The following SEC63 variants were observed in gnomAD, a reference collection of about 807,000 sequenced individuals.
SEC63 encodes translocation protein SEC63 homolog.
In SEC63, 56 loss-of-function variants were observed where a neutral mutation model predicts 116.2. The observed-to-expected ratio is 0.48, with a 90% CI of 0.39 to 0.60. The LOEUF (loss-of-function observed/expected upper bound fraction) is 0.60, where lower values mean the gene tolerates loss of function less well. SEC63 is among the 20% of genes least tolerant of loss of function. SEC63 has a pLI of 0.00. For synonymous variants in SEC63, 273 were observed against 294.6 expected (o/e 0.93, Z 0.75); for missense variants, 668 against 900.0 (o/e 0.74, Z 3.30).
In SEC63 at chr6:107,894,112, GA is replaced by G. The variant is rs555936109; in HGVS notation, c.1441-216del. Among the ~76,000 whole-genome samples the G allele has an allele frequency of 2.1e-3, 322 of 152,264 alleles. 1 individual carries two copies. The highest frequency in any genetic ancestry group is 7.5e-3 in the African/African-American group (313 of 41,554). ...CTCACATCTGTCTTGAACAAGTTTT[GA>G]AAAGTACAGTCTACTCAAGTTTACA... On this transcript the variant is annotated intron_variant, in intron 14 of 20. Transcript: ENST00000369002.
At chr6:107,885,808 A>G (rs1191830173) in intron 16 of SEC63, among the ~76,000 whole-genome samples, 1 of 152,184 alleles carries the variant, frequency 6.6e-6, no homozygotes, top group Admixed American at 6.5e-5. Flanking sequence ...ATAGACAAAT[A>G]ATCAATAGAA....
chr6:107,881,398 C>A, intron 17 of SEC63, 148 bp from the exon 18 acceptor site: 1 of 624,880 alleles, frequency 1.6e-6, no homozygotes, highest in Admixed American at 2.6e-5. Context: ...CCCTGCTCAT[C>A]CTTACAATGC....
At chr6:107,912,380 C>T (rs191691947) in intron 6 of SEC63, among the ~76,000 whole-genome samples, 3 of 152,176 alleles carry the variant, frequency 2.0e-5, no homozygotes, top group East Asian at 1.9e-4. Context: ...TTTGAGAGTT[C>T]GAGACCAGCC....
intron 14 of SEC63, among the ~76,000 whole-genome samples, 171 bp from the exon 15 acceptor site, chr6:107,894,068 T>C (rs893360445): frequency 2.6e-5 from 4 of 152,234 alleles, no homozygotes; most frequent in African/African-American, 9.6e-5. Context: ...CCTATGCAGG[T>C]AGATACCTTC....
intron 1 of SEC63, chr6:107,954,481 T>TAAAAAAAAAAAAAAAAAA (rs1562345005): frequency 5.7e-4 from 8 of 13,954 alleles, no homozygotes; most frequent in East Asian, 1.4e-3. Context: ...AAAAAAAAAA[T>TAAAAAAAAAAAAAAAAAA]CAAAAAAAAA....
At chr6:107,943,222 CTAGT>C (rs1252906435) in intron 1 of SEC63, among the ~76,000 whole-genome samples, 1 of 152,208 alleles carries the variant, frequency 6.6e-6, no homozygotes, top group African/African-American at 2.4e-5. Flanking sequence ...GTAGTATACA[CTAGT>C]TAACTTTACA....
At chr6:107,882,395 T>C (rs593595) in intron 17 of SEC63, among the ~76,000 whole-genome samples, 132,508 of 152,184 alleles carry the variant, frequency 0.87, 57,865 homozygotes, top group Middle Eastern at 0.92. Context: ...TCCCATAAAT[T>C]ATGTGCAACT....
At chr6:107,902,776 T>A in intron 12 of SEC63, 68 bp downstream of exon 12, 1 of 1,472,878 alleles carries the variant, frequency 6.8e-7, no homozygotes, top group Non-Finnish European at 9.5e-7. Flanking sequence ...CAGAAAACTT[T>A]TATTCATGTT....
At chr6:107,874,963 T>C (rs955869472) in intron 19 of SEC63, among the ~76,000 whole-genome samples, 8 of 152,222 alleles carry the variant, frequency 5.3e-5, no homozygotes, top group African/African-American at 1.9e-4. Flanking sequence ...TTATGCCACA[T>C]CAATGTTAAA....
chr6:107,881,122 G>C, intron 18 of SEC63, 27 bp downstream of exon 18: 1 of 1,447,528 alleles, frequency 6.9e-7, no homozygotes, highest in Non-Finnish European at 9.7e-7. Context: ...ATGGAATAAG[G>C]AACACAGTAG....
intron 18 of SEC63, among the ~76,000 whole-genome samples, chr6:107,880,385 C>T (rs1460913103): frequency 1.3e-5 from 2 of 152,168 alleles, no homozygotes; most frequent in African/African-American, 4.8e-5. Context: ...AACAGTTTCC[C>T]GAACTGGGGG....
chr6:107,899,360 G>A (rs1283378668), intron 13 of SEC63, among the ~76,000 whole-genome samples: 7 of 152,142 alleles, frequency 4.6e-5, no homozygotes, highest in South Asian at 2.1e-4. Flanking sequence ...CAGTGAGGCC[G>A]AACACTCTTA....
chr6:107,900,542 G>C (rs1384625599), intron 13 of SEC63, among the ~76,000 whole-genome samples: 1 of 152,096 alleles, frequency 6.6e-6, no homozygotes, highest in Non-Finnish European at 1.5e-5. Flanking sequence ...CAGCTACTCA[G>C]GAGGCTGAGG....
intron 1 of SEC63, among the ~76,000 whole-genome samples, chr6:107,951,861 T>C (rs1382779069): frequency 6.6e-6 from 1 of 151,370 alleles, no homozygotes; most frequent in Non-Finnish European, 1.5e-5. Context: ...TGGTCCCAGA[T>C]ACTCGGGAGG....
chr6:107,947,801 C>G (rs1770507046), intron 1 of SEC63, among the ~76,000 whole-genome samples: 3 of 152,122 alleles, frequency 2.0e-5, no homozygotes, highest in Non-Finnish European at 4.4e-5. Context: ...CTGGAAAGAG[C>G]CTCTGAAATG....
Position 107,924,562 on chromosome 6 carries a change from T to TA in SEC63, c.339+255dup, listed in dbSNP as rs750053590. On this transcript the variant is annotated intron_variant, in intron 3 of 20. Coordinates refer to ENST00000369002, the MANE Select transcript of SEC63 (RefSeq NM_007214.5). ...GCCTGGGCTACAGAGTGAGACTCTG[T>TA]AAAAAAAAATGTTAACCTCTCCTCT... Among the ~76,000 whole-genome samples the TA allele has an allele frequency of 1.3e-4, 19 of 151,178 alleles. No individual in the cohort carries two copies. In the East Asian group the frequency reaches 1.6e-3, roughly 12 times the overall value.
chr6:107,934,048 A>G (rs1289959952), intron 1 of SEC63, among the ~76,000 whole-genome samples: 2 of 152,178 alleles, frequency 1.3e-5, no homozygotes, highest in African/African-American at 4.8e-5. Context: ...GCTGGAGTGC[A>G]GTGGCGTGAT....
intron 1 of SEC63, among the ~76,000 whole-genome samples, chr6:107,948,001 G>T (rs546744873): frequency 6.6e-6 from 1 of 152,160 alleles, no homozygotes; most frequent in Non-Finnish European, 1.5e-5. Flanking sequence ...TGAGTTGGTC[G>T]TAAGTGCCAA....
At chr6:107,887,191 A>C (rs1268236522) in intron 16 of SEC63, among the ~76,000 whole-genome samples, 1 of 151,370 alleles carries the variant, frequency 6.6e-6, no homozygotes, top group Non-Finnish European at 1.5e-5. Flanking sequence ...TCAGTGTGGC[A>C]ATTCCTCAGG....
Sources: allele counts gnomAD v4.1 joint callset (sites outside exome capture counted in the v4.1 genomes callset), GRCh38; gene constraint gnomAD v4.1.1; transcripts MANE v1.5; gene names NCBI Gene and HGNC (gene_info 2026-07-23, HGNC 2026-07-21).